ETS1: variants seen among roughly 807,000 people sequenced by gnomAD.
ETS1 encodes the protein protein C-ets-1.
In ETS1, 15 loss-of-function variants were observed where a neutral mutation model predicts 58.6. The ratio of observed to expected loss-of-function variants is 0.26; its 90% CI spans 0.17 to 0.39. The LOEUF (loss-of-function observed/expected upper bound fraction) is 0.39. Among genes scored for constraint, ETS1 ranks in the 10% least tolerant of loss-of-function variants. The pLI is 1.00. For missense variants in ETS1, 417 were observed against 610.5 expected (o/e 0.68, Z 3.34); for synonymous variants, 214 against 218.2 (o/e 0.98, Z 0.17).
chr11:128,532,944 C>G (rs575851622), intron 3 of ETS1, among the ~76,000 whole-genome samples: 8 of 152,292 alleles, frequency 5.3e-5, no homozygotes, highest in East Asian at 1.9e-4. Flanking sequence ...TTAAATAACA[C>G]GCCTCTCTCC....
intron 8 of ETS1, among the ~76,000 whole-genome samples, chr11:128,478,374 A>C (rs1862386604): frequency 5.2e-5 from 1 of 19,174 alleles, no homozygotes; most frequent in Non-Finnish European, 8.3e-5. Context: ...GAAGGAAGGG[A>C]GGGAGGGAGG....
At chr11:128,473,942 G>A (rs1335304037) in intron 8 of ETS1, among the ~76,000 whole-genome samples, 3 of 152,222 alleles carry the variant, frequency 2.0e-5, no homozygotes, top group East Asian at 1.9e-4. Context: ...TCAGCAGCAC[G>A]CTGGCTGCAT....
chr11:128,576,623 G>A (rs866022421), intron 1 of ETS1, among the ~76,000 whole-genome samples: 10 of 152,100 alleles, frequency 6.6e-5, no homozygotes, highest in African/African-American at 1.9e-4. Flanking sequence ...CACCTGAGCC[G>A]CAGGATAAGT....
At chr11:128,487,691 A>G (rs1862673717) in intron 5 of ETS1, among the ~76,000 whole-genome samples, 1 of 152,184 alleles carries the variant, frequency 6.6e-6, no homozygotes, top group Non-Finnish European at 1.5e-5. Flanking sequence ...GTGAGCCGAC[A>G]TCGCGCGACT....
chr11:128,553,171 C>T (rs551952190), intron 3 of ETS1, among the ~76,000 whole-genome samples: 1 of 152,266 alleles, frequency 6.6e-6, no homozygotes, highest in Admixed American at 6.5e-5. Context: ...AGAACACCAG[C>T]ACTCAGCCCC....
chr11:128,578,053 C>CA (rs541815164), intron 1 of ETS1, among the ~76,000 whole-genome samples: 20 of 152,148 alleles, frequency 1.3e-4, no homozygotes, highest in Admixed American at 1.2e-3. Context: ...GTCTCATGTC[C>CA]AAAAAATCAC....
rs947554441 is a variant in ETS1, at chr11:128,462,239, C to G, written c.*122G>C. On this transcript the variant is annotated 3_prime_UTR_variant, in exon 10 of 10. Transcript: ENST00000392668. ...GCTGCAACTGACTTAGCTCCCACCC[C>G]TGAAGGTAAAAAATGAGTTCTGGAA... The G allele has an allele frequency of 1.3e-6, 1 of 773,028 alleles. No homozygotes were observed. Among genetic ancestry groups the G allele is most frequent in the African/African-American group, 1.7e-5 (1 of 57,376 alleles). The allele number at this position is 773,028 out of a possible 1,614,324, so 47.9% of individuals were successfully genotyped here.
chr11:128,538,468 C>T (rs1024584246), intron 3 of ETS1, among the ~76,000 whole-genome samples: 1 of 152,200 alleles, frequency 6.6e-6, no homozygotes, highest in Middle Eastern at 3.4e-3. Context: ...GCCCAAGGAC[C>T]GGTACAGTGT....
intron 3 of ETS1, among the ~76,000 whole-genome samples, chr11:128,514,021 G>A (rs1192051966): frequency 2.6e-5 from 4 of 152,012 alleles, no homozygotes; most frequent in Non-Finnish European, 4.4e-5. Context: ...TTGAGAACAG[G>A]TATAACACCT....
At chr11:128,470,742 T>C (rs537942846) in intron 8 of ETS1, among the ~76,000 whole-genome samples, 1 of 152,300 alleles carries the variant, frequency 6.6e-6, no homozygotes, top group East Asian at 1.9e-4. Flanking sequence ...CTTCCAAGGA[T>C]TAAATTGGCC....
intron 3 of ETS1, among the ~76,000 whole-genome samples, chr11:128,501,490 G>A (rs530754540): frequency 1.3e-5 from 2 of 152,094 alleles, no homozygotes; most frequent in African/African-American, 2.4e-5. Flanking sequence ...ACTTTGTTTC[G>A]ATCCATGTTT....
Position 128,486,133 on chromosome 11 carries a change from T to C in ETS1, c.549A>G (p.Pro183=), listed in dbSNP as rs1862625860. ...LEILQKEDVK[P]YQVNGVNPAY... ...CTGGGTTGACTCCATTAACTTGATA[T>C]GGTTTCACATCCTCTGTAATGAACA... Residue 183 remains proline, a synonymous_variant, in exon 6 of 10, where the codon CCA becomes CCG. Coordinates refer to ENST00000392668, the MANE Select transcript of ETS1 (RefSeq NM_001143820.2). 1.9e-6 allele frequency: 3 copies of C among 1,605,742 alleles called. No individual in the cohort carries two copies. Among genetic ancestry groups the C allele is most frequent in the Middle Eastern group, 3.3e-4 (2 of 6,070 alleles).
At chr11:128,523,209 G>T (rs117332045) in intron 3 of ETS1, among the ~76,000 whole-genome samples, 2 of 152,292 alleles carry the variant, frequency 1.3e-5, no homozygotes, top group East Asian at 3.9e-4. Flanking sequence ...CTGTGGTTTT[G>T]AATTTCTGGA....
intron 3 of ETS1, chr11:128,530,515 A>G (rs1227692451): frequency 6.6e-6 from 1 of 152,246 alleles, no homozygotes; most frequent in Admixed American, 6.5e-5. Context: ...AGCAGAAAGC[A>G]TATAGAAGTT....
At chr11:128,477,922 C>T (rs1249911580) in intron 8 of ETS1, among the ~76,000 whole-genome samples, 1 of 151,902 alleles carries the variant, frequency 6.6e-6, no homozygotes, top group Non-Finnish European at 1.5e-5. Context: ...GATTTCCTGC[C>T]ACCAAGATAA....
intron 1 of ETS1, 109 bp from the exon 2 acceptor site, chr11:128,573,253 C>A (rs1055095521): frequency 1.4e-6 from 1 of 726,754 alleles, no homozygotes; most frequent in Non-Finnish European, 2.4e-6. Context: ...TAGGAGCCAA[C>A]CAGTTCACTT....
chr11:128,514,083 C>T (rs999202995), intron 3 of ETS1, among the ~76,000 whole-genome samples: 1 of 152,190 alleles, frequency 6.6e-6, no homozygotes, highest in East Asian at 1.9e-4. Context: ...TCTACAAACA[C>T]TCACCAGGCT....
intron 2 of ETS1, among the ~76,000 whole-genome samples, chr11:128,569,098 T>C (rs2135574715): frequency 6.6e-6 from 1 of 152,254 alleles, no homozygotes; most frequent in South Asian, 2.1e-4. Context: ...TGGATAATTG[T>C]TTGTCATAGG....
chr11:128,556,367 C>G lies in ETS1; in HGVS notation c.138G>C (p.Gln46His). The G allele has an allele frequency of 6.2e-7, 1 of 1,613,388 alleles. No homozygotes were observed. The highest frequency in any genetic ancestry group is 8.5e-7 in the Non-Finnish European group (1 of 1,179,372). ...MNCGFQSNYH[Q>H]QRPCYPFWDE... ...CCCAAAAGGGGTAGCAAGGTCTTTG[C>G]TGGTGATAATTGGACTGGAAACCAC... The change falls in exon 3 of 10, where the codon CAG (glutamine) becomes CAC (histidine). Residue 46 changes from glutamine (Q) to histidine (H), a missense_variant. By Grantham distance (24) the Gln-to-His change is conservative. Transcript: ENST00000392668.
Sources: gnomAD v4.1 joint callset for allele counts (sites outside exome capture counted in the v4.1 genomes callset) on GRCh38, gnomAD v4.1.1 for gene constraint, MANE v1.5 for transcripts, NCBI Gene and HGNC (gene_info 2026-07-23, HGNC 2026-07-21) for gene names.